The following WWOX variants were observed in gnomAD, a reference collection of about 807,000 sequenced individuals.
WWOX encodes the protein WW domain containing oxidoreductase.
Under a neutral mutation model 46.2 loss-of-function variants are expected in WWOX, and 69 were observed. The ratio of observed to expected loss-of-function variants is 1.49; its 90% CI spans 1.23 to 1.82. The LOEUF (loss-of-function observed/expected upper bound fraction) is 1.82, where lower values mean the gene tolerates loss of function less well. Among genes scored for constraint, WWOX ranks in the 40% most tolerant of loss-of-function variants. The pLI is 0.00. For missense variants in WWOX, 919 were observed against 542.6 expected, an observed-to-expected ratio of 1.69 and a Z score of -6.89; for synonymous variants, 359 against 202.6, an observed-to-expected ratio of 1.77 and a Z score of -6.56.
intron 5 of WWOX, among the ~76,000 whole-genome samples, chr16:78,177,761 A>G (rs186626591): frequency 2.0e-5 from 3 of 152,302 alleles, no homozygotes; most frequent in Admixed American, 1.3e-4. Flanking sequence ...ACTGAGATAG[A>G]CAGACATTTG....
chr16:78,604,515 A>T (rs2045697454), intron 8 of WWOX, among the ~76,000 whole-genome samples: 1 of 152,306 alleles, frequency 6.6e-6, no homozygotes, highest in Admixed American at 6.5e-5. Context: ...ATTCTTTTGT[A>T]AAAATTAGAA....
At chr16:78,486,308 T>G (rs2084635394) in intron 8 of WWOX, among the ~76,000 whole-genome samples, 1 of 152,218 alleles carries the variant, frequency 6.6e-6, no homozygotes, top group South Asian at 2.1e-4. Flanking sequence ...CTATGCCGAC[T>G]AATAGACATA....
chr16:79,149,580 A>G (rs1157224335), intron 8 of WWOX, among the ~76,000 whole-genome samples: 1 of 152,222 alleles, frequency 6.6e-6, no homozygotes, highest in Admixed American at 6.5e-5. Flanking sequence ...ACGGTCTCAA[A>G]TGAGTCCCCA....
At chr16:79,043,000 T>C (rs1597317763) in intron 8 of WWOX, among the ~76,000 whole-genome samples, 2 of 152,140 alleles carry the variant, frequency 1.3e-5, no homozygotes, top group African/African-American at 4.8e-5. Context: ...CTTGGTCTTG[T>C]CTTTGAGCTT....
chr16:78,474,274 A>G (rs1219739708), intron 8 of WWOX, among the ~76,000 whole-genome samples: 1 of 152,196 alleles, frequency 6.6e-6, no homozygotes, highest in Non-Finnish European at 1.5e-5. Flanking sequence ...ATTTTATGCT[A>G]AAGTTCTCAT....
chr16:78,995,734 T>G (rs1233191711), intron 8 of WWOX, among the ~76,000 whole-genome samples: 2 of 152,192 alleles, frequency 1.3e-5, no homozygotes, highest in East Asian at 1.9e-4. Context: ...TAGTCTTCAA[T>G]AAATCACTAT....
intron 8 of WWOX, among the ~76,000 whole-genome samples, chr16:78,947,637 T>C (rs950989505): frequency 6.6e-6 from 1 of 152,194 alleles, no homozygotes; most frequent in Non-Finnish European, 1.5e-5. Flanking sequence ...TAACCCCCGA[T>C]CGTAATAAGC....
At chr16:78,213,250 CAAA>C (rs3041524) in intron 5 of WWOX, among the ~76,000 whole-genome samples, 79 of 97,048 alleles carry the variant, frequency 8.1e-4, no homozygotes, top group Middle Eastern at 6.1e-3. Flanking sequence ...GACTGTATCT[CAAA>C]AAAAAAAAAA....
chr16:78,415,951 G>A (rs554784643), intron 6 of WWOX, among the ~76,000 whole-genome samples: 3 of 152,152 alleles, frequency 2.0e-5, no homozygotes, highest in Non-Finnish European at 4.4e-5. Flanking sequence ...AATGCCATGG[G>A]GCCACTCATC....
intron 5 of WWOX, among the ~76,000 whole-genome samples, chr16:78,386,251 A>C (rs2082057846): frequency 6.6e-6 from 1 of 152,212 alleles, no homozygotes; most frequent in Admixed American, 6.5e-5. Context: ...CACAGTAGCC[A>C]TTATTACCAT....
At chr16:79,173,319 G>T (rs1030033063) in intron 8 of WWOX, among the ~76,000 whole-genome samples, 1 of 136,708 alleles carries the variant, frequency 7.3e-6, no homozygotes, top group Non-Finnish European at 1.6e-5. Context: ...TCTTAGAGAC[G>T]TAAAAACACT....
At chr16:78,538,251 G>A (rs979299918) in intron 8 of WWOX, among the ~76,000 whole-genome samples, 1 of 144,770 alleles carries the variant, frequency 6.9e-6, no homozygotes, top group Non-Finnish European at 1.5e-5. Flanking sequence ...AAAAAAGCGG[G>A]GCAAGGGGTT....
chr16:78,118,890 C>T (rs1721732920), intron 4 of WWOX: 1 of 152,084 alleles, frequency 6.6e-6, no homozygotes, highest in Admixed American at 6.5e-5. Context: ...TAGGCAGCTG[C>T]AAGGATTAGA....
At chr16:78,482,662 C>T (rs1405959531) in intron 8 of WWOX, among the ~76,000 whole-genome samples, 2 of 152,204 alleles carry the variant, frequency 1.3e-5, no homozygotes, top group East Asian at 3.9e-4. Context: ...ATTTCCCAGG[C>T]AGAGAAACTG....
chr16:78,484,650 A>T (rs368193331), intron 8 of WWOX, among the ~76,000 whole-genome samples: 2 of 152,110 alleles, frequency 1.3e-5, no homozygotes, highest in Non-Finnish European at 2.9e-5. Context: ...AGTTGAGTGG[A>T]TGTGGGGCTT....
chr16:79,097,245 G>C (rs1056578566), intron 8 of WWOX, among the ~76,000 whole-genome samples: 3 of 151,854 alleles, frequency 2.0e-5, no homozygotes, highest in Admixed American at 6.6e-5. Flanking sequence ...TGACGTCTTT[G>C]ATTCCCAGGC....
chr16:79,041,955 A>T (rs1381547385), intron 8 of WWOX, among the ~76,000 whole-genome samples: 3 of 152,094 alleles, frequency 2.0e-5, no homozygotes, highest in African/African-American at 7.2e-5. Context: ...TTGTGTGGAA[A>T]TGAATGGGAA....
intron 4 of WWOX, among the ~76,000 whole-genome samples, chr16:78,145,317 C>T (rs555753520): frequency 6.6e-6 from 1 of 152,094 alleles, no homozygotes; most frequent in Non-Finnish European, 1.5e-5. Flanking sequence ...TTTGAGTCCT[C>T]AAACCTCAAA....
At chr16:79,136,987 G>A (rs1227505178) in intron 8 of WWOX, among the ~76,000 whole-genome samples, 2 of 152,140 alleles carry the variant, frequency 1.3e-5, no homozygotes, top group East Asian at 1.9e-4. Flanking sequence ...GAGCTCCAAG[G>A]TGGAGGAAAA....
Sources: allele counts gnomAD v4.1 joint callset (sites outside exome capture counted in the v4.1 genomes callset), GRCh38; gene constraint gnomAD v4.1.1; transcripts MANE v1.5; gene names NCBI Gene and HGNC (gene_info 2026-07-23, HGNC 2026-07-21).